CHRM3: variants seen among roughly 807,000 people sequenced by gnomAD.
CHRM3 encodes cholinergic receptor muscarinic 3, also known as muscarinic acetylcholine receptor M3.
Under a neutral mutation model 41.8 loss-of-function variants are expected in CHRM3, and 11 were observed. That is an observed-to-expected ratio of 0.26 (90% CI 0.17 to 0.44). The LOEUF is 0.44. Ranked by LOEUF, CHRM3 falls within the 20% of genes least tolerant of loss-of-function variation. CHRM3 has a pLI of 1.00. For missense variants in CHRM3, 571 were observed against 745.4 expected (o/e 0.77, Z 2.72); for synonymous variants, 297 against 301.4 (o/e 0.99, Z 0.15).
chr1:239,456,145 G>C (rs931186322), intron 1 of CHRM3, among the ~76,000 whole-genome samples: 1 of 152,134 alleles, frequency 6.6e-6, no homozygotes, highest in Non-Finnish European at 1.5e-5. Flanking sequence ...GAGGCCTGAA[G>C]GTCCTTTCCT....
chr1:239,762,058 A>G (rs1339999796), intron 5 of CHRM3, among the ~76,000 whole-genome samples: 1 of 152,074 alleles, frequency 6.6e-6, no homozygotes. Context: ...ACTGTCATGC[A>G]TTGCCTGTTG....
intron 5 of CHRM3, among the ~76,000 whole-genome samples, chr1:239,820,394 T>C (rs1671940634): frequency 6.6e-6 from 1 of 152,184 alleles, no homozygotes; most frequent in African/African-American, 2.4e-5. Context: ...CAGATGATGG[T>C]GTGTGACAAA....
intron 2 of CHRM3, among the ~76,000 whole-genome samples, chr1:239,531,966 G>A (rs2148334155): frequency 6.9e-6 from 1 of 144,370 alleles, no homozygotes; most frequent in East Asian, 2.1e-4. Flanking sequence ...GCCTAGAATG[G>A]ATATTTAAGG....
intron 2 of CHRM3, among the ~76,000 whole-genome samples, chr1:239,505,944 G>A (rs547130179): frequency 6.6e-6 from 1 of 152,226 alleles, no homozygotes; most frequent in South Asian, 2.1e-4. Flanking sequence ...CAAAGAGATT[G>A]GTGGCATTTT....
chr1:239,869,682 C>T (rs527887595), intron 6 of CHRM3, among the ~76,000 whole-genome samples: 12 of 152,262 alleles, frequency 7.9e-5, no homozygotes, highest in Non-Finnish European at 1.5e-4. Context: ...ATAATGTGTA[C>T]TTATTACTGT....
chr1:239,808,146 T>C (rs72758774), intron 5 of CHRM3, among the ~76,000 whole-genome samples: 3 of 152,296 alleles, frequency 2.0e-5, no homozygotes, highest in Non-Finnish European at 4.4e-5. Context: ...AGTGTTTTGA[T>C]GGGAGTTCAA....
intron 3 of CHRM3, among the ~76,000 whole-genome samples, chr1:239,623,213 TTA>T (rs1668590178): frequency 6.7e-6 from 1 of 150,224 alleles, no homozygotes; most frequent in African/African-American, 2.5e-5. Context: ...TGCTGCACCC[TTA>T]AATCGTCATT....
At chr1:239,487,267 T>C (rs1227909290) in intron 1 of CHRM3, among the ~76,000 whole-genome samples, 1 of 152,170 alleles carries the variant, frequency 6.6e-6, no homozygotes, top group Non-Finnish European at 1.5e-5. Flanking sequence ...AAAATATTAT[T>C]CGTTTTTCAA....
intron 6 of CHRM3, among the ~76,000 whole-genome samples, chr1:239,899,416 TAC>T (rs1038342656): frequency 4.6e-5 from 7 of 151,336 alleles, no homozygotes; most frequent in African/African-American, 1.7e-4. Flanking sequence ...TATACATATA[TAC>T]ACACATATCT....
chr1:239,576,852 G>C (rs1268718092), intron 3 of CHRM3, among the ~76,000 whole-genome samples: 1 of 151,710 alleles, frequency 6.6e-6, no homozygotes, highest in Non-Finnish European at 1.5e-5. Flanking sequence ...TGTTTCATCA[G>C]AGTAAAGAAA....
intron 5 of CHRM3, among the ~76,000 whole-genome samples, chr1:239,783,032 A>G (rs1358631490): frequency 6.7e-6 from 1 of 150,160 alleles, no homozygotes; most frequent in African/African-American, 2.5e-5. Context: ...AATGTGGTCT[A>G]TTTTGGTGAA....
intron 5 of CHRM3, among the ~76,000 whole-genome samples, chr1:239,824,993 A>G (rs1410556699): frequency 6.6e-6 from 1 of 152,232 alleles, no homozygotes; most frequent in East Asian, 1.9e-4. Context: ...CAGTTCATGC[A>G]TTCATTCATG....
chr1:239,638,447 T>C (rs1471652680), intron 4 of CHRM3, among the ~76,000 whole-genome samples: 1 of 152,188 alleles, frequency 6.6e-6, no homozygotes, highest in Non-Finnish European at 1.5e-5. Flanking sequence ...TTTTTAATGA[T>C]TGCCATTCTA....
At chr1:239,746,589 A>G (rs2148541113) in intron 5 of CHRM3, among the ~76,000 whole-genome samples, 1 of 152,326 alleles carries the variant, frequency 6.6e-6, no homozygotes, top group South Asian at 2.1e-4. Context: ...AGATTTATTT[A>G]TCTCATTAAC....
intron 3 of CHRM3, among the ~76,000 whole-genome samples, chr1:239,611,568 G>T (rs1463549025): frequency 6.6e-6 from 1 of 151,938 alleles, no homozygotes; most frequent in Admixed American, 6.6e-5. Flanking sequence ...TTACAGGCAT[G>T]CGTCACCATG....
intron 6 of CHRM3, among the ~76,000 whole-genome samples, chr1:239,894,669 G>A (rs981303779): frequency 5.9e-5 from 9 of 151,988 alleles, no homozygotes; most frequent in African/African-American, 2.2e-4. Flanking sequence ...ATGCGCTCAA[G>A]TGATCAGCCC....
chr1:239,434,768 A>C (rs1663101267), intron 1 of CHRM3, among the ~76,000 whole-genome samples: 1 of 151,936 alleles, frequency 6.6e-6, no homozygotes, highest in Non-Finnish European at 1.5e-5. Context: ...AGAGAGATAG[A>C]GAGGGAGAAG....
At chr1:239,837,479 T>A (rs2149135402) in intron 6 of CHRM3, among the ~76,000 whole-genome samples, 1 of 152,336 alleles carries the variant, frequency 6.6e-6, no homozygotes, top group East Asian at 1.9e-4. Context: ...TCAACTCTGC[T>A]GTCCTTTGTA....
chr1:239,802,380 A>G (rs932056371), intron 5 of CHRM3, among the ~76,000 whole-genome samples: 4 of 152,220 alleles, frequency 2.6e-5, no homozygotes, highest in African/African-American at 7.2e-5. Context: ...AACATAGTTC[A>G]TTAACCAAGA....
Sources: allele counts gnomAD v4.1 joint callset (sites outside exome capture counted in the v4.1 genomes callset), GRCh38; gene constraint gnomAD v4.1.1; transcripts MANE v1.5; gene names NCBI Gene and HGNC (gene_info 2026-07-23, HGNC 2026-07-21).